Variants in RTN4RL1 observed in about 807,000 individuals in gnomAD.
RTN4RL1 encodes reticulon 4 receptor like 1, also known as reticulon-4 receptor-like 1.
In RTN4RL1, 7 loss-of-function variants were observed where a neutral mutation model predicts 25.6. The ratio of observed to expected loss-of-function variants is 0.27; its 90% CI spans 0.16 to 0.51. The LOEUF (loss-of-function observed/expected upper bound fraction) is 0.51, where lower values mean the gene tolerates loss of function less well. Ranked by LOEUF, RTN4RL1 falls within the 20% of genes least tolerant of loss-of-function variation. RTN4RL1 has a pLI of 0.97. For missense variants in RTN4RL1, 500 were observed against 615.6 expected, an observed-to-expected ratio of 0.81 and a Z score of 1.99; for synonymous variants, 297 against 288.2, an observed-to-expected ratio of 1.03 and a Z score of -0.31.
intron 1 of RTN4RL1, among the ~76,000 whole-genome samples, chr17:2,022,345 T>G (rs2067219320): frequency 6.6e-6 from 1 of 151,890 alleles, no homozygotes; most frequent in Non-Finnish European, 1.5e-5. Flanking sequence ...AGAGACGAAG[T>G]CCCACTCTGT....
chr17:1,999,580 C>T (rs1195294146), intron 1 of RTN4RL1, among the ~76,000 whole-genome samples: 2 of 152,112 alleles, frequency 1.3e-5, no homozygotes, highest in Admixed American at 6.5e-5. Flanking sequence ...TCGGTGTACA[C>T]ACAAGCACAC....
At chr17:2,002,182 G>C (rs1254672932) in intron 1 of RTN4RL1, among the ~76,000 whole-genome samples, 2 of 151,948 alleles carry the variant, frequency 1.3e-5, no homozygotes, top group African/African-American at 4.8e-5. Flanking sequence ...CGGTATTTCT[G>C]CAAGGACTGT....
intron 1 of RTN4RL1, among the ~76,000 whole-genome samples, chr17:1,999,528 C>T (rs576239224): frequency 8.5e-5 from 13 of 152,066 alleles, no homozygotes; most frequent in Non-Finnish European, 1.8e-4. Context: ...CTCCCAACAC[C>T]CATACACAAA....
intron 1 of RTN4RL1, among the ~76,000 whole-genome samples, chr17:1,940,909 G>A (rs1915424900): frequency 6.6e-6 from 1 of 152,172 alleles, no homozygotes. Flanking sequence ...TTTGGGGACG[G>A]GGCCACAGCC....
intron 1 of RTN4RL1, among the ~76,000 whole-genome samples, chr17:1,940,929 T>G (rs779026145): frequency 6.6e-6 from 1 of 152,168 alleles, no homozygotes; most frequent in African/African-American, 2.4e-5. Flanking sequence ...CAGGCCATTC[T>G]GCAAAGACAA....
Position 1,934,994 on chromosome 17 carries a change from G to GT in RTN4RL1, c.*1501dup, listed in dbSNP as rs1491165967. 1 of 152,070 alleles carries GT rather than the reference G, an allele frequency of 6.6e-6. No homozygotes were observed. Among genetic ancestry groups the GT allele is most frequent in the African/African-American group, 2.4e-5 (1 of 41,316 alleles). 9.4% of individuals were successfully genotyped at this position (152,070 alleles called of 1,614,324 possible). On this transcript the variant is annotated 3_prime_UTR_variant, in exon 2 of 2. Transcript: ENST00000331238. The surrounding 1 kb of genome is among the most constrained non-coding windows in gnomAD (Gnocchi z 4.0). ...CCGTGATGCAGAAGTGCCTGAGATG[G>GT]TTCATGAAATGCCCTCATTGTTCCC...
intron 1 of RTN4RL1, among the ~76,000 whole-genome samples, chr17:1,952,970 G>A (rs891698647): frequency 7.3e-5 from 11 of 151,504 alleles, no homozygotes; most frequent in African/African-American, 1.2e-4. Flanking sequence ...CCAGCTACTC[G>A]GGAGGCTGAG....
intron 1 of RTN4RL1, among the ~76,000 whole-genome samples, chr17:1,989,459 G>A (rs2066900430): frequency 6.6e-6 from 1 of 152,156 alleles, no homozygotes; most frequent in Admixed American, 6.5e-5. Context: ...GAGCACGCTG[G>A]AGGGGCCCTG....
chr17:2,021,907 G>T (rs550040087), intron 1 of RTN4RL1, among the ~76,000 whole-genome samples: 2 of 147,796 alleles, frequency 1.4e-5, no homozygotes, highest in Admixed American at 6.9e-5. Context: ...CCCCCAGGCT[G>T]GAGGGCAGTT....
At chr17:1,943,060 C>T (rs984324663) in intron 1 of RTN4RL1, among the ~76,000 whole-genome samples, 31 of 152,192 alleles carry the variant, frequency 2.0e-4, no homozygotes, top group African/African-American at 7.2e-4. Flanking sequence ...GCCGGCCAGC[C>T]ACAGCTGGTC....
At position 1,963,136 on chromosome 17, in the gene RTN4RL1, C is replaced by T. The variant is rs913250703; in HGVS notation, c.14-25328G>A. On this transcript the variant is annotated intron_variant, in intron 1 of 1. Transcript: ENST00000331238. ...GTGTTTTAATGGTCAGAGGAGGGTCCCCGCTCTTTGGGTTCCTAGGAGGAA... is the reference window on the plus strand; with the variant it reads ...GTGTTTTAATGGTCAGAGGAGGGTCTCCGCTCTTTGGGTTCCTAGGAGGAA... Among the ~76,000 whole-genome samples the T allele has an allele frequency of 8.2e-4, 124 of 152,076 alleles. 1 individual carries two copies. Among genetic ancestry groups the T allele is most frequent in the Admixed American group, 8.1e-3 (124 of 15,262 alleles).
chr17:1,988,106 C>T (rs2066894480), intron 1 of RTN4RL1, among the ~76,000 whole-genome samples: 1 of 148,550 alleles, frequency 6.7e-6, no homozygotes, highest in Non-Finnish European at 1.5e-5. Flanking sequence ...AACTCCATCT[C>T]AGAAAAAAAG....
At chr17:1,965,899 G>T (rs777782293) in intron 1 of RTN4RL1, among the ~76,000 whole-genome samples, 6 of 152,100 alleles carry the variant, frequency 3.9e-5, no homozygotes, top group Admixed American at 3.9e-4. Flanking sequence ...CCCCACCCCT[G>T]AGAGGGATGG....
chr17:2,014,809 A>G (rs1347204114), intron 1 of RTN4RL1, among the ~76,000 whole-genome samples: 2 of 151,666 alleles, frequency 1.3e-5, no homozygotes, highest in Non-Finnish European at 2.9e-5. Flanking sequence ...TCCAGCCTGG[A>G]CGACAGGGAA....
intron 1 of RTN4RL1, among the ~76,000 whole-genome samples, chr17:1,961,700 G>A (rs937893009): frequency 1.4e-5 from 2 of 147,914 alleles, no homozygotes; most frequent in African/African-American, 2.5e-5. Flanking sequence ...GGCCGATGCG[G>A]GCAGATCACT....
chr17:1,948,053 G>A (rs1915594393), intron 1 of RTN4RL1, among the ~76,000 whole-genome samples: 1 of 152,160 alleles, frequency 6.6e-6, no homozygotes, highest in Non-Finnish European at 1.5e-5. Context: ...GTGGACCCTG[G>A]ACCCTGGATT....
At chr17:1,999,153 A>T (rs1284064999) in intron 1 of RTN4RL1, among the ~76,000 whole-genome samples, 1 of 150,664 alleles carries the variant, frequency 6.6e-6, no homozygotes, top group Non-Finnish European at 1.5e-5. Context: ...ACACACACAC[A>T]CACACACACA....
At chr17:1,962,606 T>C (rs942322371) in intron 1 of RTN4RL1, among the ~76,000 whole-genome samples, 3 of 152,008 alleles carry the variant, frequency 2.0e-5, no homozygotes, top group African/African-American at 7.2e-5. Context: ...GGCTCACACC[T>C]GTAATCCCAG....
rs944667265 is a variant in RTN4RL1, at chr17:2,012,191, C to A, written c.13+12662G>T. ...TCCGTTTGCCACGGAGTCGATAGTA[C>A]AAATTTTGTTCCAAACACATCTGCC... is the stretch of plus-strand genomic sequence containing the variant. On this transcript the variant is annotated intron_variant, in intron 1 of 1. Coordinates refer to ENST00000331238, the MANE Select transcript of RTN4RL1 (RefSeq NM_178568.4). Among the ~76,000 whole-genome samples, 4 of 152,200 alleles carry A rather than the reference C, an allele frequency of 2.6e-5. No homozygotes were observed. The East Asian group carries it at 5.8e-4, about 22-fold the overall frequency.
Sources: gnomAD v4.1 joint callset for allele counts (sites outside exome capture counted in the v4.1 genomes callset) on GRCh38, gnomAD v4.1.1 for gene constraint, Gnocchi (gnomAD v3.1) non-coding constraint, MANE v1.5 for transcripts, NCBI Gene and HGNC (gene_info 2026-07-23, HGNC 2026-07-21) for gene names.